UBE2D2: variants seen among roughly 807,000 people sequenced by gnomAD.
UBE2D2 encodes ubiquitin conjugating enzyme E2 D2.
A neutral mutation model predicts 24.2 loss-of-function variants in UBE2D2; 2 were observed. That is an observed-to-expected ratio of 0.08 (90% CI 0.03 to 0.26). The LOEUF is 0.26. UBE2D2 is among the 10% of genes least tolerant of loss of function. The pLI is 1.00. For missense variants in UBE2D2, 44 were observed against 177.6 expected (o/e 0.25, Z 4.28); for synonymous variants, 58 against 56.5 (o/e 1.03, Z -0.12).
Position 139,628,398 on chromosome 5 carries a change from A to T in UBE2D2, c.*1597A>T, listed in dbSNP as rs775262976. 1.3e-5 allele frequency: 2 copies of T among 152,660 alleles called. No homozygotes were observed. Among genetic ancestry groups the T allele is most frequent in the African/African-American group, 4.8e-5 (2 of 41,450 alleles). 9.5% of individuals were successfully genotyped at this position (152,660 alleles called of 1,614,324 possible). A position where few individuals can be genotyped will look rare whatever the true frequency, so the allele number is the denominator to read the frequency against. ...ATGCATCTTTACACTCTTGCACAAA[A>T]GTTAAGGAATAAATGTCCACTGCTT... On this transcript the variant is annotated 3_prime_UTR_variant, in exon 7 of 7. Transcript: ENST00000398733.
upstream of UBE2D2, chr5:139,561,225 CA>C (rs1753073073): frequency 6.6e-6 from 1 of 152,532 alleles, no homozygotes; most frequent in South Asian, 2.1e-4. Context: ...AGCTTACTCA[CA>C]GGGGCGGCCC....
At chr5:139,603,728 G>C (rs898480783) in intron 2 of UBE2D2, among the ~76,000 whole-genome samples, 1 of 151,836 alleles carries the variant, frequency 6.6e-6, no homozygotes, top group African/African-American at 2.4e-5. Context: ...CCTGAGGCCA[G>C]GAATTCAATC....
chr5:139,539,761 T>C (rs1348069464), intron 1 of UBE2D2, among the ~76,000 whole-genome samples: 1 of 151,178 alleles, frequency 6.6e-6, no homozygotes, highest in African/African-American at 2.4e-5. Flanking sequence ...CTGGCTAATT[T>C]TTGTATTTTT....
At chr5:139,535,196 C>T (rs1374851916) in intron 1 of UBE2D2, among the ~76,000 whole-genome samples, 1 of 150,472 alleles carries the variant, frequency 6.6e-6, no homozygotes, top group Non-Finnish European at 1.5e-5. Flanking sequence ...CCTGTAATCC[C>T]AGCACTTTGG....
intron 1 of UBE2D2, among the ~76,000 whole-genome samples, chr5:139,538,759 G>C (rs562320562): frequency 3.3e-5 from 5 of 151,798 alleles, no homozygotes; most frequent in African/African-American, 4.8e-5. Flanking sequence ...TGTAATCCCA[G>C]CTACTCCAGA....
At chr5:139,601,464 C>T (rs963878584) in intron 2 of UBE2D2, among the ~76,000 whole-genome samples, 1 of 152,062 alleles carries the variant, frequency 6.6e-6, no homozygotes, top group Non-Finnish European at 1.5e-5. Context: ...AAAAATTAGC[C>T]GGGTATGTTG....
intron 1 of UBE2D2, among the ~76,000 whole-genome samples, chr5:139,540,788 C>T (rs1453324987): frequency 1.3e-5 from 2 of 151,838 alleles, no homozygotes; most frequent in Admixed American, 6.6e-5. Flanking sequence ...GTCAGGAGTT[C>T]GAGAGCAGCC....
At chr5:139,530,327 A>G (rs1438725823) in intron 1 of UBE2D2, among the ~76,000 whole-genome samples, 2 of 152,216 alleles carry the variant, frequency 1.3e-5, no homozygotes, top group African/African-American at 4.8e-5. Flanking sequence ...CCATTAAGCC[A>G]TCTTTCTTCT....
intron 1 of UBE2D2, among the ~76,000 whole-genome samples, chr5:139,589,323 C>T (rs751548273): frequency 3.3e-5 from 5 of 152,048 alleles, no homozygotes; most frequent in Non-Finnish European, 5.9e-5. Flanking sequence ...CTTTGGGAGG[C>T]CAAGGTGGGC....
chr5:139,527,486 A>T lies in UBE2D2; in HGVS notation c.-64+874A>T, dbSNP rs537934958. On this transcript the variant is annotated intron_variant, in intron 1 of 6. Coordinates refer to the UBE2D2 transcript ENST00000511725. ...ACAAAAGTGAAGTTTGCTAAAAGTT[A>T]ACAGTGTAACATGTATTATGGTAAC... Among the ~76,000 whole-genome samples the T allele has an allele frequency of 2.2e-4, 33 of 152,384 alleles. 1 individual carries two copies. Among genetic ancestry groups the T allele is most frequent in the Admixed American group, 5.9e-4 (9 of 15,310 alleles).
chr5:139,592,596 CTTTT>C (rs34558950), intron 1 of UBE2D2, among the ~76,000 whole-genome samples: 10 of 104,894 alleles, frequency 9.5e-5, no homozygotes, highest in Non-Finnish European at 1.5e-4. Context: ...GTTCAGTAAT[CTTTT>C]TTTTTTTTTT....
chr5:139,567,101 CTTGT>C (rs373736653), intron 1 of UBE2D2, among the ~76,000 whole-genome samples: 19 of 151,852 alleles, frequency 1.3e-4, no homozygotes, highest in African/African-American at 1.7e-4. Context: ...ATTAAGTTTT[CTTGT>C]TTGTTTGTTT....
intron 1 of UBE2D2, among the ~76,000 whole-genome samples, chr5:139,526,846 C>T (rs1179311552): frequency 6.6e-6 from 1 of 152,164 alleles, no homozygotes; most frequent in Non-Finnish European, 1.5e-5. Flanking sequence ...TTGCTGGATA[C>T]TTTAGTTTTG....
At chr5:139,547,704 A>T (rs968283122) in intron 1 of UBE2D2, among the ~76,000 whole-genome samples, 2 of 146,914 alleles carry the variant, frequency 1.4e-5, no homozygotes, top group Non-Finnish European at 3.0e-5. Context: ...TTATTTTTTT[A>T]TTTTTTTTGA....
chr5:139,614,630 A>G lies in UBE2D2; in HGVS notation c.120+13A>G. The G allele has an allele frequency of 6.2e-7, 1 of 1,613,876 alleles. No homozygotes were observed. Among genetic ancestry groups the G allele is most frequent in the South Asian group, 1.1e-5 (1 of 91,066 alleles). ...AATAATGGGGCCAGTAAGTATTCAG[A>G]TTAATTTCAGAATAAACAGTTTATG... On this transcript the variant is annotated intron_variant, in intron 3 of 6. Transcript: ENST00000398733.
At chr5:139,554,127 C>T (rs1752952481) in intron 1 of UBE2D2, among the ~76,000 whole-genome samples, 1 of 152,102 alleles carries the variant, frequency 6.6e-6, no homozygotes, top group Admixed American at 6.6e-5. Context: ...TAACCTCCAA[C>T]CAAAACAATA....
At chr5:139,589,993 T>C (rs1753810695) in intron 1 of UBE2D2, among the ~76,000 whole-genome samples, 1 of 151,992 alleles carries the variant, frequency 6.6e-6, no homozygotes, top group South Asian at 2.1e-4. Context: ...ACTGTGTTAG[T>C]CAGGATGGTC....
At chr5:139,556,873 C>T (rs371872883), upstream of UBE2D2, among the ~76,000 whole-genome samples, 12 of 149,956 alleles carry the variant, frequency 8.0e-5, no homozygotes, top group East Asian at 9.7e-4. Context: ...CTTGCTTTGT[C>T]GCCCAGGCTG....
chr5:139,618,118 G>A (rs909499170), intron 5 of UBE2D2, among the ~76,000 whole-genome samples: 49 of 152,036 alleles, frequency 3.2e-4, no homozygotes, highest in Admixed American at 2.0e-3. Context: ...GGATTATAGG[G>A]CATGTACCAC....
Sources: allele counts gnomAD v4.1 joint callset (sites outside exome capture counted in the v4.1 genomes callset), GRCh38; gene constraint gnomAD v4.1.1; transcripts MANE v1.5; gene names NCBI Gene and HGNC (gene_info 2026-07-23, HGNC 2026-07-21).